Variants in FANCB observed in about 807,000 individuals in gnomAD.
FANCB encodes the protein FA complementation group B, also known as Fanconi anemia group B protein.
Under a neutral mutation model 38.9 loss-of-function variants are expected in FANCB, and 5 were observed. The observed-to-expected ratio is 0.13, with a 90% confidence interval of 0.07 to 0.27. The LOEUF is 0.27. Among genes scored for constraint, FANCB ranks in the 10% least tolerant of loss-of-function variants. The probability of loss-of-function intolerance (pLI) is 1.00; values close to 1 mark genes in which losing one functional copy is unlikely to be tolerated. For missense variants in FANCB, 573 were observed against 602.7 expected (o/e 0.95, Z 0.52); for synonymous variants, 236 against 215.4 (o/e 1.10, Z -0.84).
intron 3 of FANCB, among the ~76,000 whole-genome samples, 189 bp downstream of exon 3, chrX:14,864,371 C>CA (rs1020207295): frequency 9.2e-6 from 1 of 108,928 alleles, no homozygotes; most frequent in African/African-American, 3.3e-5. Flanking sequence ...AATGGCAAGA[C>CA]AAAAAAAACA....
chrX:14,851,202 G>A (rs934132365), intron 6 of FANCB, among the ~76,000 whole-genome samples: 1 of 111,917 alleles, frequency 8.9e-6, no homozygotes, highest in Non-Finnish European at 1.9e-5. Context: ...TAATAGTAAC[G>A]ATAATAATAA....
chrX:14,689,717 T>C, the FANCB span, among the ~76,000 whole-genome samples: 1 of 112,298 alleles, frequency 8.9e-6, no homozygotes, highest in Non-Finnish European at 1.9e-5. Flanking sequence ...GGAAACTCTA[T>C]TTAAAAATTA....
the FANCB span, among the ~76,000 whole-genome samples, chrX:14,781,598 T>G: frequency 9.0e-6 from 1 of 111,178 alleles, no homozygotes; most frequent in Non-Finnish European, 1.9e-5. Flanking sequence ...TCATTAAACC[T>G]CCCTCTGCTT....
At chrX:14,814,548 C>T in the FANCB span, among the ~76,000 whole-genome samples, 1 of 112,445 alleles carries the variant, frequency 8.9e-6, no homozygotes, top group Non-Finnish European at 1.9e-5. Flanking sequence ...GACATTTATG[C>T]AGCCAACAGA....
the FANCB span, among the ~76,000 whole-genome samples, chrX:14,813,986 C>G: frequency 1.8e-5 from 2 of 111,446 alleles, no homozygotes; most frequent in Non-Finnish European, 3.8e-5. Flanking sequence ...AGATATAGAC[C>G]AATGGAACAG....
the FANCB span, among the ~76,000 whole-genome samples, chrX:14,830,177 A>G: frequency 8.9e-6 from 1 of 112,078 alleles, no homozygotes; most frequent in Admixed American, 9.4e-5. Context: ...TTGCCATCTT[A>G]TATGGGTGTG....
the FANCB span, among the ~76,000 whole-genome samples, chrX:14,750,403 A>G: frequency 4.5e-5 from 5 of 112,173 alleles, no homozygotes; most frequent in African/African-American, 1.6e-4. Context: ...TGGCTCCACC[A>G]TCACCATGGC....
At chrX:14,864,522 G>T (rs769894086) in intron 3 of FANCB, 38 bp downstream of exon 3, 37 of 907,265 alleles carry the variant, frequency 4.1e-5, no homozygotes, top group Admixed American at 8.8e-5. Context: ...AAAGGTCTGA[G>T]ACCACCAACT....
chrX:14,724,578 A>G, the FANCB span, among the ~76,000 whole-genome samples: 1 of 101,176 alleles, frequency 9.9e-6, no homozygotes, highest in African/African-American at 3.7e-5. Context: ...GTGAGATGAG[A>G]TCACACCACT....
the FANCB span, among the ~76,000 whole-genome samples, chrX:14,803,046 G>A: frequency 2.7e-5 from 3 of 112,443 alleles, no homozygotes; most frequent in African/African-American, 9.7e-5. Flanking sequence ...CAGAGAAAGT[G>A]TCAATATGCA....
chrX:14,830,787 C>T, the FANCB span, among the ~76,000 whole-genome samples: 6 of 111,599 alleles, frequency 5.4e-5, no homozygotes, highest in South Asian at 3.8e-4. Context: ...AATATTTATC[C>T]GCTGATGGAT....
downstream of FANCB, among the ~76,000 whole-genome samples, chrX:14,841,021 T>C (rs755735351): frequency 1.8e-5 from 2 of 112,418 alleles, no homozygotes; most frequent in South Asian, 3.6e-4. Flanking sequence ...ATATTCATCA[T>C]AGTAGGATCT....
chrX:14,706,442 G>T, the FANCB span, among the ~76,000 whole-genome samples: 60 of 112,433 alleles, frequency 5.3e-4, no homozygotes, highest in Middle Eastern at 0.018. Context: ...GCTTTAAATA[G>T]AATTATTTTC....
the FANCB span, among the ~76,000 whole-genome samples, chrX:14,822,684 A>G: frequency 9.0e-6 from 1 of 111,612 alleles, no homozygotes; most frequent in African/African-American, 3.3e-5. Context: ...AAGACTTGTT[A>G]CTCATTGCAA....
At chrX:14,743,921 C>T in the FANCB span, among the ~76,000 whole-genome samples, 2 of 111,829 alleles carry the variant, frequency 1.8e-5, no homozygotes, top group Middle Eastern at 4.6e-3. Context: ...AAAACTCCCT[C>T]TCCTTATAAA....
chrX:14,821,661 G>T, the FANCB span, among the ~76,000 whole-genome samples: 6,360 of 110,734 alleles, frequency 0.057, 399 homozygotes, highest in African/African-American at 0.18. Flanking sequence ...AATTCACAAG[G>T]GGCTTTTCTT....
the FANCB span, among the ~76,000 whole-genome samples, chrX:14,691,012 G>C: frequency 1.8e-5 from 2 of 111,561 alleles, no homozygotes; most frequent in Non-Finnish European, 3.8e-5. Flanking sequence ...CTCAGCTTAG[G>C]CCTTTAAAAT....
the FANCB span, among the ~76,000 whole-genome samples, chrX:14,726,647 C>A: frequency 1.8e-5 from 2 of 112,359 alleles, no homozygotes; most frequent in Admixed American, 9.4e-5. Flanking sequence ...TGACGATGTA[C>A]AATATAATGA....
At chrX:14,790,705 C>A in the FANCB span, among the ~76,000 whole-genome samples, 1 of 111,560 alleles carries the variant, frequency 9.0e-6, no homozygotes, top group Non-Finnish European at 1.9e-5. Flanking sequence ...AGTTTTCCTG[C>A]TGAAAAACAA....
Sources: allele counts gnomAD v4.1 joint callset (sites outside exome capture counted in the v4.1 genomes callset), GRCh38; gene constraint gnomAD v4.1.1; transcripts MANE v1.5; gene names NCBI Gene and HGNC (gene_info 2026-07-23, HGNC 2026-07-21).